Variants in EIF4G3 observed in about 807,000 individuals in gnomAD.
EIF4G3 encodes eIF-4-gamma 3.
Under a neutral mutation model 186.4 loss-of-function variants are expected in EIF4G3, and 34 were observed. That is an observed-to-expected ratio of 0.18 (90% CI 0.14 to 0.24). The LOEUF is 0.24. Ranked by LOEUF, EIF4G3 falls within the 10% of genes least tolerant of loss-of-function variation. The pLI is 1.00. For missense variants in EIF4G3, 1,536 were observed against 1,948.5 expected (o/e 0.79, Z 3.99); for synonymous variants, 673 against 679.5 (o/e 0.99, Z 0.15).
chr1:21,065,549 TAAA>T (rs562575980), intron 3 of EIF4G3, among the ~76,000 whole-genome samples: 3 of 145,374 alleles, frequency 2.1e-5, no homozygotes, highest in Non-Finnish European at 4.6e-5. Context: ...AACTCTATCT[TAAA>T]AAAAAAACAG....
intron 4 of EIF4G3, among the ~76,000 whole-genome samples, chr1:21,016,209 T>C (rs2088986295): frequency 6.6e-6 from 1 of 152,178 alleles, no homozygotes; most frequent in South Asian, 2.1e-4. Flanking sequence ...TAAATTATTA[T>C]CACCTTAAAA....
Position 20,868,090 on chromosome 1 carries a change from C to CTTTTTTTTTTTTTTTTTTTT in EIF4G3, c.2623-2829_2623-2828insAAAAAAAAAAAAAAAAAAAA, listed in dbSNP as rs66560662. ...GAGAATAGTGATTCATGGTGATTTT[C>CTTTTTTTTTTTTTTTTTTTT]TTTTTTTTTTTTTTTTGTCCTTAGG... On this transcript the variant is annotated intron_variant, in intron 20 of 36. Transcript: ENST00000602326. Among the ~76,000 whole-genome samples the CTTTTTTTTTTTTTTTTTTTT allele has an allele frequency of 1.7e-4, 15 of 90,434 alleles. 2 individuals carry two copies. The highest frequency in any genetic ancestry group is 2.2e-4 in the Non-Finnish European group (11 of 49,746). The allele number at this position is 90,434 out of a possible 152,430, so 59.3% of individuals were successfully genotyped here.
chr1:20,942,155 A>C lies in EIF4G3; in HGVS notation c.999T>G (p.Ser333Arg), dbSNP rs771765977. Residue 333 changes from serine to arginine, a missense_variant, in exon 14 of 37, where the codon AGT (serine) becomes AGG (arginine). Physicochemically the swap from Ser to Arg is moderately radical, Grantham distance 110 (BLOSUM62 -1). Transcript: ENST00000602326. ...CAGAAGAGGTGGGGGCTGCAATTGT[A>C]CTTCGAGCAACAGAAGAAACAGTGG... ...SPTTVSSVAR[S>R]TIAAPTSSAL... 12 of 1,614,034 alleles carry C rather than the reference A, an allele frequency of 7.4e-6. No homozygotes were observed. The Admixed American group carries it at 2.0e-4, about 27-fold the overall frequency.
At chr1:20,854,770 A>G (rs999017991) in intron 26 of EIF4G3, among the ~76,000 whole-genome samples, 1 of 151,958 alleles carries the variant, frequency 6.6e-6, no homozygotes, top group Admixed American at 6.6e-5. Flanking sequence ...AGTCTAAATG[A>G]ATGAATTGAA....
chr1:20,958,069 TA>T (rs1418238430), intron 12 of EIF4G3, among the ~76,000 whole-genome samples: 1 of 152,100 alleles, frequency 6.6e-6, no homozygotes, highest in Non-Finnish European at 1.5e-5. Flanking sequence ...ATCACCCTGA[TA>T]CCTAAACCAG....
chr1:20,824,987 G>T, intron 33 of EIF4G3, 113 bp downstream of exon 33: 1 of 600,126 alleles, frequency 1.7e-6, no homozygotes. Flanking sequence ...TCTTTACCAA[G>T]ATTCCTATTT....
chr1:20,990,615 G>A lies in EIF4G3; in HGVS notation c.177+6986C>T, dbSNP rs149064947. Among the ~76,000 whole-genome samples the A allele has an allele frequency of 3.7e-3, 556 of 152,220 alleles. 1 individual carries two copies. Among genetic ancestry groups the A allele is most frequent in the African/African-American group, 0.013 (536 of 41,536 alleles). ...ACCCGGGAGGCAGAGGCTGCGGTGA[G>A]CTGAGATCGCGCCACTGTACTCCAG... On this transcript the variant is annotated intron_variant, in intron 7 of 36. Transcript: ENST00000602326.
Position 20,817,449 on chromosome 1 carries a change from G to C in EIF4G3, c.4458C>G (p.Leu1486=). The part of the protein sequence containing the change: ...ELSAEELYKR[L]EKLIIEDKAN... ...CTTTGTCCTCAATAATGAGTTTCTC[G>C]AGTCGCTTATACAGCTCTTCGGCAG... The change falls in exon 34 of 37, where the codon CTC becomes CTG. Residue 1486 remains leucine (L), a synonymous_variant. Coordinates refer to ENST00000602326, the MANE Select transcript of EIF4G3 (RefSeq NM_001391906.1). 3 of 1,609,180 alleles carry C rather than the reference G, an allele frequency of 1.9e-6. No individual in the cohort carries two copies. The highest frequency in any genetic ancestry group is 2.5e-6 in the Non-Finnish European group (3 of 1,177,342).
At chr1:20,910,141 A>C (rs539268873) in intron 14 of EIF4G3, among the ~76,000 whole-genome samples, 4 of 152,324 alleles carry the variant, frequency 2.6e-5, no homozygotes, top group Admixed American at 2.0e-4. Flanking sequence ...GCTACGTAGC[A>C]GGATAATTTG....
intron 4 of EIF4G3, among the ~76,000 whole-genome samples, chr1:21,049,539 T>C (rs1424427811): frequency 6.6e-6 from 1 of 152,168 alleles, no homozygotes; most frequent in Non-Finnish European, 1.5e-5. Context: ...TTAGACTAAG[T>C]TTAGGTATAG....
chr1:21,058,398 T>C lies in EIF4G3; in HGVS notation c.-195-7404A>G, dbSNP rs565390713. Among the ~76,000 whole-genome samples, 5 of 152,282 alleles carry C rather than the reference T, an allele frequency of 3.3e-5. No individual in the cohort carries two copies. The South Asian group carries it at 1.0e-3, about 32-fold the overall frequency. On this transcript the variant is annotated intron_variant, in intron 3 of 36. Coordinates refer to ENST00000602326, the MANE Select transcript of EIF4G3 (RefSeq NM_001391906.1). ...CAAAAATAAGGCTTTCTGCATGAAA[T>C]TGTCCTGACTTCCCATACACACTAC...
chr1:20,910,584 AAAAAACAAAAAC>A (rs1271575301), intron 14 of EIF4G3, among the ~76,000 whole-genome samples: 1 of 152,176 alleles, frequency 6.6e-6, no homozygotes, highest in Non-Finnish European at 1.5e-5. Flanking sequence ...CTCCGACTCA[AAAAAACAAAAAC>A]AAAAACAAAA....
At chr1:21,090,348 A>G (rs2096146627) in intron 2 of EIF4G3, among the ~76,000 whole-genome samples, 2 of 152,242 alleles carry the variant, frequency 1.3e-5, no homozygotes, top group African/African-American at 4.8e-5. Context: ...CATACATGCT[A>G]CAACAAATGC....
chr1:21,047,082 TTAAA>T (rs1226663724), intron 4 of EIF4G3, among the ~76,000 whole-genome samples: 4 of 152,206 alleles, frequency 2.6e-5, no homozygotes, highest in Non-Finnish European at 2.9e-5. Flanking sequence ...TCCAGAGATA[TTAAA>T]TAATTTATCC....
chr1:20,909,778 A>ATTT (rs35293207), intron 14 of EIF4G3, among the ~76,000 whole-genome samples: 4 of 129,340 alleles, frequency 3.1e-5, no homozygotes, highest in East Asian at 2.2e-4. Flanking sequence ...CAATCTGCTA[A>ATTT]TTTTTTTTTT....
At chr1:20,860,604 G>A in intron 23 of EIF4G3, 87 bp from the exon 24 acceptor site, 1 of 1,423,520 alleles carries the variant, frequency 7.0e-7, no homozygotes, top group Non-Finnish European at 9.5e-7. Context: ...TACTGGAAAA[G>A]TACAAAATAC....
At chr1:20,816,363 G>T (rs1365173559) in intron 34 of EIF4G3, among the ~76,000 whole-genome samples, 1 of 58,496 alleles carries the variant, frequency 1.7e-5, no homozygotes, top group Admixed American at 1.5e-4. Context: ...GTCCGGGAGG[G>T]AGGTGGGGGG....
chr1:21,025,986 T>G (rs2092022896), intron 4 of EIF4G3, among the ~76,000 whole-genome samples: 8 of 152,170 alleles, frequency 5.3e-5, no homozygotes, highest in Admixed American at 5.2e-4. Context: ...CAAAGTGACT[T>G]ACAGATTCAA....
intron 15 of EIF4G3, among the ~76,000 whole-genome samples, chr1:20,900,838 T>G (rs2090047477): frequency 6.6e-6 from 1 of 152,164 alleles, no homozygotes; most frequent in African/African-American, 2.4e-5. Context: ...CAGAGGATAG[T>G]GTAAAGTAGT....
Sources: gnomAD v4.1 joint callset for allele counts (sites outside exome capture counted in the v4.1 genomes callset) on GRCh38, gnomAD v4.1.1 for gene constraint, MANE v1.5 for transcripts, NCBI Gene and HGNC (gene_info 2026-07-23, HGNC 2026-07-21) for gene names.